The following EBF1 variants were observed in gnomAD, a reference collection of about 807,000 sequenced individuals.
EBF1 encodes the protein transcription factor COE1.
Under a neutral mutation model 68.4 loss-of-function variants are expected in EBF1, and 10 were observed. The ratio of observed to expected loss-of-function variants is 0.15; its 90% CI spans 0.09 to 0.25. The LOEUF (loss-of-function observed/expected upper bound fraction) is 0.25, where lower values mean the gene tolerates loss of function less well. Among genes scored for constraint, EBF1 ranks in the 10% least tolerant of loss-of-function variants. The pLI, the probability that EBF1 is intolerant of heterozygous loss-of-function variation, is 1.00. For missense variants in EBF1, 509 were observed against 794.4 expected, an observed-to-expected ratio of 0.64 and a Z score of 4.32; for synonymous variants, 298 against 299.8, an observed-to-expected ratio of 0.99 and a Z score of 0.06.
chr5:158,973,336 C>G (rs1388073357), intron 6 of EBF1, among the ~76,000 whole-genome samples: 2 of 151,930 alleles, frequency 1.3e-5, no homozygotes, highest in African/African-American at 4.8e-5. Context: ...CTCTTCATCC[C>G]CTATTTCCCT....
chr5:158,957,291 C>T (rs981322483), intron 6 of EBF1, among the ~76,000 whole-genome samples: 3 of 152,286 alleles, frequency 2.0e-5, no homozygotes, highest in Admixed American at 2.0e-4. Context: ...CAATGGTAAG[C>T]ACTGTCATGG....
At chr5:158,938,684 C>T (rs553310802) in intron 6 of EBF1, among the ~76,000 whole-genome samples, 14 of 152,266 alleles carry the variant, frequency 9.2e-5, no homozygotes, top group Middle Eastern at 3.4e-3. Flanking sequence ...AGAGAGAGAG[C>T]GCTCTCCTCT....
chr5:159,024,660 C>T (rs768453403), intron 6 of EBF1, among the ~76,000 whole-genome samples: 2 of 152,192 alleles, frequency 1.3e-5, no homozygotes, highest in Non-Finnish European at 2.9e-5. Context: ...GGAATAAGCC[C>T]TCAACTTCTC....
chr5:159,052,201 A>G (rs186277669), intron 6 of EBF1, among the ~76,000 whole-genome samples: 1 of 152,176 alleles, frequency 6.6e-6, no homozygotes, highest in East Asian at 1.9e-4. Flanking sequence ...CATGCTAAGA[A>G]TTCCACCAAA....
At chr5:158,958,862 T>C (rs1445564565) in intron 6 of EBF1, among the ~76,000 whole-genome samples, 5 of 152,014 alleles carry the variant, frequency 3.3e-5, no homozygotes, top group South Asian at 2.1e-4. Flanking sequence ...TTTTAAACCA[T>C]GGGTAATTTC....
At chr5:159,062,689 A>C (rs1776083623) in intron 6 of EBF1, among the ~76,000 whole-genome samples, 1 of 152,240 alleles carries the variant, frequency 6.6e-6, no homozygotes, top group Admixed American at 6.5e-5. Flanking sequence ...GCCCTGCAAA[A>C]ATCAAGCCTT....
intron 6 of EBF1, among the ~76,000 whole-genome samples, chr5:158,971,225 A>G (rs1337365976): frequency 6.6e-6 from 1 of 152,236 alleles, no homozygotes. Context: ...GTTCATATTT[A>G]GAAAGCACGT....
At chr5:158,736,070 C>T (rs1395749803) in intron 10 of EBF1, among the ~76,000 whole-genome samples, 5 of 152,300 alleles carry the variant, frequency 3.3e-5, no homozygotes, top group African/African-American at 1.2e-4. Context: ...ATATATGTGG[C>T]CTTTTCATGC....
At chr5:159,004,973 G>A (rs1763268512) in intron 6 of EBF1, among the ~76,000 whole-genome samples, 1 of 152,192 alleles carries the variant, frequency 6.6e-6, no homozygotes, top group Non-Finnish European at 1.5e-5. Flanking sequence ...GAGGAATGGA[G>A]AATTTTAGAG....
At chr5:159,023,356 G>A (rs1014285029) in intron 6 of EBF1, among the ~76,000 whole-genome samples, 35 of 152,302 alleles carry the variant, frequency 2.3e-4, no homozygotes, top group African/African-American at 8.2e-4. Context: ...GGGAAATGAA[G>A]TTCAGACTGA....
chr5:158,868,465 GGTTT>G (rs1422567583), intron 6 of EBF1, among the ~76,000 whole-genome samples: 2 of 152,190 alleles, frequency 1.3e-5, no homozygotes, highest in East Asian at 1.9e-4. Context: ...CAGTCTTTTG[GGTTT>G]GTTTGTTTTT....
intron 11 of EBF1, among the ~76,000 whole-genome samples, chr5:158,715,919 A>T (rs1760595407): frequency 6.6e-6 from 1 of 152,100 alleles, no homozygotes; most frequent in Non-Finnish European, 1.5e-5. Context: ...ATGTTCATTT[A>T]TTTCTCCAAA....
intron 9 of EBF1, among the ~76,000 whole-genome samples, chr5:158,792,153 T>G (rs1456048095): frequency 1.3e-5 from 2 of 152,194 alleles, no homozygotes; most frequent in Non-Finnish European, 2.9e-5. Flanking sequence ...TATAAAATAC[T>G]AAAACAATTT....
At chr5:158,833,234 G>T (rs1787991751) in intron 7 of EBF1, among the ~76,000 whole-genome samples, 1 of 150,622 alleles carries the variant, frequency 6.6e-6, no homozygotes, top group Non-Finnish European at 1.5e-5. Context: ...TGAACCCAGA[G>T]GTTGCAGTGA....
intron 6 of EBF1, among the ~76,000 whole-genome samples, chr5:159,062,086 C>T (rs975880101): frequency 2.0e-5 from 3 of 152,154 alleles, no homozygotes; most frequent in Admixed American, 2.0e-4. Context: ...CTGCCTTTAA[C>T]AGGAAGAAGA....
intron 6 of EBF1, among the ~76,000 whole-genome samples, chr5:159,057,973 T>C (rs887659086): frequency 6.6e-6 from 1 of 152,202 alleles, no homozygotes; most frequent in African/African-American, 2.4e-5. Context: ...CGAAGAGGTA[T>C]GTGAATGATA....
intron 12 of EBF1, among the ~76,000 whole-genome samples, chr5:158,713,593 T>C (rs1190825193): frequency 1.3e-5 from 2 of 152,184 alleles, no homozygotes; most frequent in African/African-American, 4.8e-5. Flanking sequence ...AGGCTGTAGA[T>C]GACTACCTGC....
chr5:158,923,065 G>A (rs1384365764), intron 6 of EBF1, among the ~76,000 whole-genome samples: 2 of 152,200 alleles, frequency 1.3e-5, no homozygotes, highest in Admixed American at 6.5e-5. Context: ...AAGCCCCTCC[G>A]TGGAGCCCGA....
intron 10 of EBF1, among the ~76,000 whole-genome samples, chr5:158,750,954 A>T (rs1768729609): frequency 6.6e-6 from 1 of 152,150 alleles, no homozygotes; most frequent in Non-Finnish European, 1.5e-5. Flanking sequence ...AATATAGTAA[A>T]TCCACACTGT....
Sources: allele counts gnomAD v4.1 joint callset (sites outside exome capture counted in the v4.1 genomes callset), GRCh38; gene constraint gnomAD v4.1.1; transcripts MANE v1.5; gene names NCBI Gene and HGNC (gene_info 2026-07-23, HGNC 2026-07-21).